MTA1: variants seen among roughly 807,000 people sequenced by gnomAD.
MTA1 encodes the protein metastasis associated 1, also known as metastasis-associated protein MTA1.
Under a neutral mutation model 97.0 loss-of-function variants are expected in MTA1, and 15 were observed. The ratio of observed to expected loss-of-function variants is 0.15; its 90% CI spans 0.10 to 0.24. The LOEUF (loss-of-function observed/expected upper bound fraction) is 0.24, where lower values mean the gene tolerates loss of function less well. Ranked by LOEUF, MTA1 falls within the 10% of genes least tolerant of loss-of-function variation. The pLI is 1.00. For missense variants in MTA1, 709 were observed against 1,015.1 expected (o/e 0.70, Z 4.10); for synonymous variants, 435 against 417.5 (o/e 1.04, Z -0.51).
At chr14:105,441,538 G>T (rs7150182) in intron 2 of MTA1, among the ~76,000 whole-genome samples, 8,003 of 152,294 alleles carry the variant, frequency 0.053, 723 homozygotes, top group African/African-American at 0.18. Flanking sequence ...CTCACGCCTG[G>T]AATCCCAGCA....
At chr14:105,469,682 G>T (rs936803165) in intron 19 of MTA1, 159 bp from the exon 20 acceptor site, 14 of 1,248,034 alleles carry the variant, frequency 1.1e-5, no homozygotes, top group Non-Finnish European at 1.1e-5. Flanking sequence ...GTGTGCGGCC[G>T]ACCAGCCCTC....
Position 105,440,188 on chromosome 14 carries a change from C to T in MTA1, c.96+1449C>T, listed in dbSNP as rs587684863. ...GGGCCTGCCCGCCTGCAGAGCAAGG[C>T]CACTTGGGTACTGCCGGAATGGGGC... On this transcript the variant is annotated intron_variant, in intron 2 of 20. Coordinates refer to ENST00000331320, the MANE Select transcript of MTA1 (RefSeq NM_004689.4). 2.0e-5 allele frequency among the ~76,000 whole-genome samples: 3 copies of T among 152,368 alleles called. No homozygotes were observed. In the South Asian group the frequency reaches 6.2e-4, roughly 32 times the overall value.
intron 18 of MTA1, chr14:105,469,261 G>A (rs2083727392): frequency 3.1e-6 from 2 of 636,344 alleles, no homozygotes; most frequent in African/African-American, 1.8e-5. Flanking sequence ...GTCTCTTGCT[G>A]GCCAGAGAGC....
chr14:105,464,245 G>A (rs2083473821), intron 13 of MTA1, 98 bp downstream of exon 13: 2 of 1,433,990 alleles, frequency 1.4e-6, no homozygotes, highest in African/African-American at 1.4e-5. Context: ...CAGCCTGCAA[G>A]GGGCCCACTG....
At chr14:105,427,400 G>A (rs1253397021) in intron 1 of MTA1, among the ~76,000 whole-genome samples, 1 of 152,250 alleles carries the variant, frequency 6.6e-6, no homozygotes, top group Non-Finnish European at 1.5e-5. Flanking sequence ...TGGGGGAGGT[G>A]CCGCAGTGCT....
chr14:105,443,918 G>A (rs781963486), intron 2 of MTA1, among the ~76,000 whole-genome samples: 2 of 152,018 alleles, frequency 1.3e-5, no homozygotes, highest in Admixed American at 6.6e-5. Flanking sequence ...GTAAAACCCC[G>A]TCTCTACTAA....
Position 105,420,160 on chromosome 14 carries a change from G to T in MTA1, c.28+97G>T, listed in dbSNP as rs1555420493. 1 of 598,838 alleles carries T rather than the reference G, an allele frequency of 1.7e-6. No individual in the cohort carries two copies. The allele number at this position is 598,838 out of a possible 1,614,324, so 37.1% of individuals were successfully genotyped here. On this transcript the variant is annotated intron_variant, in intron 1 of 20. Coordinates refer to ENST00000331320, the MANE Select transcript of MTA1 (RefSeq NM_004689.4). The surrounding 1 kb of genome is among the most constrained non-coding windows in gnomAD (Gnocchi z 5.3). The stretch of plus-strand genomic sequence containing the variant: ...CCCGCCCCTCTGCCCCGCAGGCCCC[G>T]CGCCCCCCGCCCGCCCTCGCGGCCC...
chr14:105,469,726 A>G, intron 19 of MTA1, 115 bp from the exon 20 acceptor site: 2 of 1,424,956 alleles, frequency 1.4e-6, no homozygotes, highest in Non-Finnish European at 9.5e-7. Flanking sequence ...GGGTCCGTGT[A>G]ACTCACTGGG....
At chr14:105,441,741 C>A (rs978442835) in intron 2 of MTA1, among the ~76,000 whole-genome samples, 7 of 152,116 alleles carry the variant, frequency 4.6e-5, no homozygotes, top group Non-Finnish European at 7.4e-5. Flanking sequence ...TTGCAGTGAG[C>A]CGAGATCCCG....
rs1421913145 is a variant in MTA1, at chr14:105,464,324, G to A, written c.1193-92G>A. ...GGGAACGTGTGGGGGTGCCTGGCGG[G>A]TGGGGGCGGCCGGCGTGGGGGTGGC... is the stretch of plus-strand genomic sequence containing the variant. On this transcript the variant is annotated intron_variant, in intron 13 of 20. Transcript: ENST00000331320. 24 of 1,529,282 alleles carry A rather than the reference G, an allele frequency of 1.6e-5. No homozygotes were observed. The South Asian group carries it at 2.7e-4, about 17-fold the overall frequency. The allele number at this position is 1,529,282 out of a possible 1,614,324, so 94.7% of individuals were successfully genotyped here. A position where few individuals can be genotyped will look rare whatever the true frequency, so the allele number is the denominator to read the frequency against.
In MTA1 at chr14:105,463,216, G is replaced by A; in HGVS notation, c.975G>A (p.Glu325=). 4.3e-6 allele frequency: 7 copies of A among 1,611,514 alleles called. No individual in the cohort carries two copies. Among genetic ancestry groups the A allele is most frequent in the Non-Finnish European group, 5.9e-6 (7 of 1,179,878 alleles). Reference sequence around the variant, plus strand: ...GGAAGTCGCTGACCAGCATCATTGAGTACTACTACATGTGGAAGACCACCG... The same window carrying A: ...GGAAGTCGCTGACCAGCATCATTGAATACTACTACATGTGGAAGACCACCG... ...LPWKSLTSII[E]YYYMWKTTDR... is the part of the protein sequence containing the mutation. Residue 325 remains glutamate, a synonymous_variant, in exon 11 of 21, where the codon GAG becomes GAA. Coordinates refer to ENST00000331320, the MANE Select transcript of MTA1 (RefSeq NM_004689.4). The surrounding 1 kb of genome is among the most constrained non-coding windows in gnomAD (Gnocchi z 5.9).
In MTA1 at chr14:105,454,322, C is replaced by T. The variant is rs375771433; in HGVS notation, c.550+12C>T. ...CTTGTTAAAAGAAGGTAGGGTGGGC[C>T]GCCCTGGGCATGGAGCCCTCTGTCC... is the stretch of plus-strand genomic sequence containing the variant. On this transcript the variant is annotated intron_variant, in intron 7 of 20. Coordinates refer to ENST00000331320, the MANE Select transcript of MTA1 (RefSeq NM_004689.4). 6 of 1,593,648 alleles carry T rather than the reference C, an allele frequency of 3.8e-6. No individual in the cohort carries two copies. The highest frequency in any genetic ancestry group is 1.3e-5 in the African/African-American group (1 of 74,532).
intron 2 of MTA1, among the ~76,000 whole-genome samples, chr14:105,444,927 G>A (rs1356323717): frequency 6.6e-6 from 1 of 152,220 alleles, no homozygotes; most frequent in Admixed American, 6.5e-5. Context: ...CTCTGGTGGC[G>A]TTTTACAGCC....
chr14:105,447,638 CT>C (rs2082762504), intron 3 of MTA1, among the ~76,000 whole-genome samples: 1 of 152,152 alleles, frequency 6.6e-6, no homozygotes, highest in African/African-American at 2.4e-5. Context: ...AGCACAGCCC[CT>C]TTGGACGGTG....
In MTA1 at chr14:105,460,761, G is replaced by A. The variant is rs1555430858; in HGVS notation, c.754-4G>A. 17 of 1,567,996 alleles carry A rather than the reference G, an allele frequency of 1.1e-5. No individual in the cohort carries two copies. The highest frequency in any genetic ancestry group is 5.4e-5 in the African/African-American group (4 of 73,486). Reference sequence around the variant, plus strand: ...CCGGGTGACCCTGCTGTCTCCTGCCGCAGTTCCACGCCATGGATACTCTCC... The same window carrying A: ...CCGGGTGACCCTGCTGTCTCCTGCCACAGTTCCACGCCATGGATACTCTCC... On this transcript the variant is annotated splice_region_variant and splice_polypyrimidine_tract_variant and intron_variant, in intron 9 of 20. Coordinates refer to ENST00000331320, the MANE Select transcript of MTA1 (RefSeq NM_004689.4).
intron 16 of MTA1, 99 bp downstream of exon 16, chr14:105,465,282 G>A (rs1375234352): frequency 2.7e-6 from 3 of 1,094,470 alleles, no homozygotes; most frequent in Non-Finnish European, 3.7e-6. Context: ...CTAGCTGGGA[G>A]CTCCTGGACA....
At chr14:105,464,298 G>A (rs1219546638) in intron 13 of MTA1, 118 bp from the exon 14 acceptor site, 54 of 1,434,610 alleles carry the variant, frequency 3.8e-5, no homozygotes, top group Non-Finnish European at 4.6e-5. Flanking sequence ...GGAGAGCCTC[G>A]GGGAACGTGT....
intron 6 of MTA1, among the ~76,000 whole-genome samples, chr14:105,450,730 G>A (rs587648074): frequency 4.6e-5 from 7 of 152,264 alleles, no homozygotes; most frequent in African/African-American, 1.4e-4. Flanking sequence ...GTGATTATAC[G>A]GTGTTACCAG....
intron 6 of MTA1, among the ~76,000 whole-genome samples, chr14:105,453,202 G>C (rs1451463229): frequency 6.6e-6 from 1 of 152,286 alleles, no homozygotes; most frequent in East Asian, 1.9e-4. Context: ...GGCCGCGCCT[G>C]CTGCGCGGGT....
Sources: allele counts gnomAD v4.1 joint callset (sites outside exome capture counted in the v4.1 genomes callset), GRCh38; gene constraint gnomAD v4.1.1; non-coding constraint Gnocchi (gnomAD v3.1); transcripts MANE v1.5; gene names NCBI Gene and HGNC (gene_info 2026-07-23, HGNC 2026-07-21).